Variants in CHEK1 observed in about 807,000 individuals in gnomAD.
CHEK1 encodes the protein serine/threonine-protein kinase Chk1.
A neutral mutation model predicts 60.2 loss-of-function variants in CHEK1; 32 were observed. That is an observed-to-expected ratio of 0.53 (90% CI 0.40 to 0.71). The LOEUF (loss-of-function observed/expected upper bound fraction) is 0.71, where lower values mean the gene tolerates loss of function less well. Among genes scored for constraint, CHEK1 ranks in the 30% least tolerant of loss-of-function variants. The pLI, the probability that CHEK1 is intolerant of heterozygous loss-of-function variation, is 0.00. For missense variants in CHEK1, 399 were observed against 564.6 expected (o/e 0.71, Z 2.97); for synonymous variants, 179 against 187.2 (o/e 0.96, Z 0.36).
chr11:125,653,757 A>G lies in CHEK1; in HGVS notation c.1245A>G (p.Ser415=). The change falls in exon 12 of 13, where the codon TCA becomes TCG. Residue 415 remains serine, a synonymous_variant. Transcript: ENST00000438015. The surrounding 1 kb of genome is among the most constrained non-coding windows in gnomAD (Gnocchi z 4.3). ...TTTTGTTGCCTTAGGTTACTATATC[A>G]ACAACTGATAGGAGAAACAATAAAC... ...KKSCMNQVTI[S]TTDRRNNKLI... 1.9e-6 allele frequency: 3 copies of G among 1,576,362 alleles called. No individual in the cohort carries two copies. In the South Asian group the frequency reaches 3.4e-5, roughly 18 times the overall value.
At chr11:125,651,039 A>C (rs562614871) in intron 11 of CHEK1, among the ~76,000 whole-genome samples, 1 of 152,010 alleles carries the variant, frequency 6.6e-6, no homozygotes. Context: ...TGCCCTGGTC[A>C]TGGGTGTGTC....
intron 8 of CHEK1, 70 bp downstream of exon 8, chr11:125,637,614 C>T (rs946667430): frequency 4.8e-6 from 5 of 1,032,972 alleles, no homozygotes; most frequent in Non-Finnish European, 7.3e-6. Flanking sequence ...GTTATTATCA[C>T]AAGTCAACAA....
chr11:125,666,411 G>A (rs1029034962), intron 13 of CHEK1, among the ~76,000 whole-genome samples: 9 of 151,966 alleles, frequency 5.9e-5, no homozygotes, highest in Non-Finnish European at 1.2e-4. Flanking sequence ...GACTTGTTTT[G>A]TGGCCTCTCA....
At chr11:125,674,588 T>A (rs1401722685) in intron 13 of CHEK1, among the ~76,000 whole-genome samples, 1 of 152,206 alleles carries the variant, frequency 6.6e-6, no homozygotes, top group South Asian at 2.1e-4. Flanking sequence ...TATTACCTTT[T>A]ACTGAAATAT....
At chr11:125,632,595 TG>T (rs1399389252) in intron 5 of CHEK1, among the ~76,000 whole-genome samples, 1 of 152,194 alleles carries the variant, frequency 6.6e-6, no homozygotes, top group Non-Finnish European at 1.5e-5. Context: ...GTGTTGAAGA[TG>T]GGAAGTTAGG....
At chr11:125,626,691 A>G in intron 1 of CHEK1, 58 bp from the exon 2 acceptor site, 1 of 1,511,312 alleles carries the variant, frequency 6.6e-7, no homozygotes, top group Non-Finnish European at 9.2e-7. Flanking sequence ...GGCGGGGCTC[A>G]GTGGCTTCAC....
At chr11:125,662,629 C>T (rs892842634) in intron 13 of CHEK1, among the ~76,000 whole-genome samples, 4 of 152,180 alleles carry the variant, frequency 2.6e-5, no homozygotes, top group African/African-American at 9.7e-5. Flanking sequence ...AACCATTCAC[C>T]TGTTGAAGGA....
At chr11:125,674,964 C>G (rs1942418790) in intron 13 of CHEK1, among the ~76,000 whole-genome samples, 1 of 152,166 alleles carries the variant, frequency 6.6e-6, no homozygotes, top group South Asian at 2.1e-4. Context: ...ACTTTTCTGA[C>G]TTTTGCTTTC....
At chr11:125,639,960 A>G (rs1436565878) in intron 8 of CHEK1, among the ~76,000 whole-genome samples, 2 of 152,128 alleles carry the variant, frequency 1.3e-5, no homozygotes, top group African/African-American at 4.8e-5. Flanking sequence ...CTTTCTCATC[A>G]GCATATCTAC....
At chr11:125,650,383 A>G (rs1313067121) in intron 11 of CHEK1, among the ~76,000 whole-genome samples, 3 of 150,660 alleles carry the variant, frequency 2.0e-5, no homozygotes, top group Non-Finnish European at 4.4e-5. Flanking sequence ...TGGCAACTCT[A>G]GAAAGTCAGA....
At chr11:125,654,448 CTTAAT>C (rs1221897218) in intron 12 of CHEK1, among the ~76,000 whole-genome samples, 1 of 151,974 alleles carries the variant, frequency 6.6e-6, no homozygotes, top group African/African-American at 2.4e-5. Context: ...TAATATTTTT[CTTAAT>C]TTATGTCTTT....
chr11:125,654,497 T>C (rs2136064083), intron 12 of CHEK1, among the ~76,000 whole-genome samples: 1 of 152,344 alleles, frequency 6.6e-6, no homozygotes, highest in South Asian at 2.1e-4. Context: ...AAATATTTCA[T>C]TATAATTTAA....
Position 125,643,766 on chromosome 11 carries a change from G to A in CHEK1, c.815-26G>A, listed in dbSNP as rs755519353. The A allele has an allele frequency of 7.0e-6, 11 of 1,575,188 alleles. No homozygotes were observed. In the East Asian group the frequency reaches 2.2e-4, roughly 32 times the overall value. On this transcript the variant is annotated intron_variant, in intron 8 of 12. Coordinates refer to ENST00000438015, the MANE Select transcript of CHEK1 (RefSeq NM_001114122.3). ...ACATACTTGCATAGAAGACTTGAAAGCATTTGTATTTGTTTTCTTTTTTAG... is the reference window on the plus strand; with the variant it reads ...ACATACTTGCATAGAAGACTTGAAAACATTTGTATTTGTTTTCTTTTTTAG...
intron 13 of CHEK1, among the ~76,000 whole-genome samples, chr11:125,673,452 C>T (rs1179911055): frequency 6.9e-6 from 1 of 145,408 alleles, no homozygotes; most frequent in African/African-American, 2.5e-5. Flanking sequence ...CCGCCCACCT[C>T]AGCCTCCCAA....
At chr11:125,676,441 A>T, downstream of CHEK1, 1 of 1,614,162 alleles carries the variant, frequency 6.2e-7, no homozygotes, top group Non-Finnish European at 8.5e-7. Flanking sequence ...TTCCTTGATC[A>T]TTCATATAAG....
chr11:125,656,440 G>C lies in CHEK1; in HGVS notation c.*1120G>C, dbSNP rs140816182. On this transcript the variant is annotated 3_prime_UTR_variant, in exon 13 of 13. Coordinates refer to ENST00000438015, the MANE Select transcript of CHEK1 (RefSeq NM_001114122.3). Reference sequence around the variant, plus strand: ...GAACATGTAGAATGTTATGATTAGAGTTTATCACATATTAATGTATACTGG... The same window carrying C: ...GAACATGTAGAATGTTATGATTAGACTTTATCACATATTAATGTATACTGG... 1.1e-3 allele frequency: 235 copies of C among 212,394 alleles called. No homozygotes were observed. The highest frequency in any genetic ancestry group is 4.7e-3 in the African/African-American group (207 of 44,320). 13.2% of individuals were successfully genotyped at this position (212,394 alleles called of 1,614,324 possible). A position where few individuals can be genotyped will look rare whatever the true frequency, so the allele number is the denominator to read the frequency against.
rs184393295 is a variant in CHEK1 at position 125,655,487 on chromosome 11, A to C, written c.*167A>C. The stretch of plus-strand genomic sequence containing the variant: ...CCAATTTATTTTGTTTGTTCGGCAT[A>C]CAAATAATACCTATATCTTAATTGT... On this transcript the variant is annotated 3_prime_UTR_variant, in exon 13 of 13. Transcript: ENST00000438015. 24 of 491,174 alleles carry C rather than the reference A, an allele frequency of 4.9e-5. No individual in the cohort carries two copies. In the Admixed American group the frequency reaches 5.1e-4, roughly 10 times the overall value. The allele number at this position is 491,174 out of a possible 1,614,324, so 30.4% of individuals were successfully genotyped here.
chr11:125,625,479 G>T lies in CHEK1; in HGVS notation c.-554G>T, dbSNP rs139443875. 2.7e-3 allele frequency: 982 copies of T among 370,440 alleles called. 4 individuals carry two copies. The highest frequency in any genetic ancestry group is 0.019 in the African/African-American group (914 of 49,216). 22.9% of individuals were successfully genotyped at this position (370,440 alleles called of 1,614,324 possible). On this transcript the variant is annotated 5_prime_UTR_variant, in exon 1 of 13. Transcript: ENST00000438015. ...AGCTGCTGCTGGTTTCTCGGCTCCA[G>T]CACCACGAGTACCGCACTCTGAGGT... is the stretch of plus-strand genomic sequence containing the variant.
chr11:125,666,046 A>T (rs574568706), intron 13 of CHEK1, among the ~76,000 whole-genome samples: 39 of 151,014 alleles, frequency 2.6e-4, no homozygotes, highest in African/African-American at 5.1e-4. Flanking sequence ...TGATTTTTTT[A>T]AAAAAATTTG....
Sources: allele counts gnomAD v4.1 joint callset (sites outside exome capture counted in the v4.1 genomes callset), GRCh38; gene constraint gnomAD v4.1.1; non-coding constraint Gnocchi (gnomAD v3.1); transcripts MANE v1.5; gene names NCBI Gene and HGNC (gene_info 2026-07-23, HGNC 2026-07-21).